BROX: variants seen among roughly 807,000 people sequenced by gnomAD.
BROX encodes the protein BRO1 domain and CAAX motif containing, also known as BRO1 domain-containing protein BROX.
Under a neutral mutation model 61.0 loss-of-function variants are expected in BROX, and 53 were observed. The observed-to-expected ratio is 0.87, with a 90% CI of 0.70 to 1.09. The LOEUF (loss-of-function observed/expected upper bound fraction) is 1.09. Among genes scored for constraint, BROX ranks in the 50% least tolerant of loss-of-function variants. The pLI is 0.00. For synonymous variants in BROX, 152 were observed against 160.2 expected (o/e 0.95, Z 0.38); for missense variants, 489 against 472.0 (o/e 1.04, Z -0.33).
chr1:222,733,179 A>G lies in BROX; in HGVS notation c.*465A>G, dbSNP rs562756493. 574 of 139,976 alleles carry G rather than the reference A, an allele frequency of 4.1e-3. 2 individuals carry two copies. The highest frequency in any genetic ancestry group is 7.2e-3 in the Non-Finnish European group (483 of 67,262). 8.7% of individuals were successfully genotyped at this position (139,976 alleles called of 1,614,324 possible). On this transcript the variant is annotated 3_prime_UTR_variant, in exon 13 of 13. Coordinates refer to ENST00000340934, the MANE Select transcript of BROX (RefSeq NM_144695.4). ...ACTGCAACCCTCCACCTCCTGAATT[A>G]AAGTGATTCTCCTGCCTCAGCCTCC...
chr1:222,714,576 T>TG (rs1463942875), intron 1 of BROX, among the ~76,000 whole-genome samples: 9 of 144,612 alleles, frequency 6.2e-5, no homozygotes, highest in African/African-American at 2.5e-4. Flanking sequence ...CAAGTTTTTG[T>TG]TTTTTGTTTT....
intron 2 of BROX, 23 bp from the exon 3 acceptor site, chr1:222,718,902 T>C (rs1321780856): frequency 1.3e-6 from 2 of 1,593,726 alleles, no homozygotes; most frequent in Admixed American, 1.7e-5. Context: ...CTAACTTTAC[T>C]GTCTTTTTGT....
At position 222,725,524 on chromosome 1, in the gene BROX, C is replaced by T. The variant is rs368189414; in HGVS notation, c.549C>T (p.Tyr183=). 2.0e-5 allele frequency: 32 copies of T among 1,612,000 alleles called. No individual in the cohort carries two copies. The highest frequency in any genetic ancestry group is 8.9e-5 in the East Asian group (4 of 44,820). The change falls in exon 7 of 13, where the codon TAC becomes TAT. Residue 183 remains tyrosine (Y), a synonymous_variant. Coordinates refer to ENST00000340934, the MANE Select transcript of BROX (RefSeq NM_144695.4). The stretch of plus-strand genomic sequence containing the variant: ...TAGAGTCACGACTCATAGAAGCATA[C>T]GTTATTCAATGTCAGGCTGAAGCTC... The part of the protein sequence containing the change: ...RDLESRLIEA[Y]VIQCQAEAQE...
At chr1:222,721,187 T>C (rs2125013584) in intron 4 of BROX, among the ~76,000 whole-genome samples, 1 of 152,312 alleles carries the variant, frequency 6.6e-6, no homozygotes, top group Non-Finnish European at 1.5e-5. Context: ...CCACTAGATC[T>C]CCAGATGTAA....
In BROX at chr1:222,725,520, C is replaced by T. The variant is rs937210087; in HGVS notation, c.545C>T (p.Ala182Val). 6.2e-7 allele frequency: 1 copy of T among 1,612,694 alleles called. No homozygotes were observed. Among genetic ancestry groups the T allele is most frequent in the Non-Finnish European group, 8.5e-7 (1 of 1,179,300 alleles). The change falls in exon 7 of 13, where the codon GCA (alanine) becomes GTA (valine). Residue 182 changes from alanine to valine, a missense_variant. Physicochemically the swap from Ala to Val is moderately conservative, Grantham distance 64. Transcript: ENST00000340934. ...GRDLESRLIE[A>V]YVIQCQAEAQ... ...GATTTAGAGTCACGACTCATAGAAG[C>T]ATACGTTATTCAATGTCAGGCTGAA... is the stretch of plus-strand genomic sequence containing the variant.
chr1:222,719,415 A>G (rs1571968179), intron 4 of BROX, 56 bp downstream of exon 4: 1 of 1,209,696 alleles, frequency 8.3e-7, no homozygotes, highest in Non-Finnish European at 1.2e-6. Context: ...CTATGTAGCC[A>G]GTGGTTAACT....
intron 2 of BROX, among the ~76,000 whole-genome samples, chr1:222,716,179 A>G (rs988667167): frequency 6.6e-6 from 1 of 151,940 alleles, no homozygotes; most frequent in African/African-American, 2.4e-5. Context: ...GCTTACTGCA[A>G]CCTCCGCCTC....
At chr1:222,713,305 T>C in intron 1 of BROX, 2 of 985,886 alleles carry the variant, frequency 2.0e-6, no homozygotes, top group African/African-American at 3.5e-5. Context: ...AACTCAAGTG[T>C]TGGCGCGTGC....
At chr1:222,722,573 C>G (rs1657180061) in intron 5 of BROX, 59 bp downstream of exon 5, 2 of 1,185,700 alleles carry the variant, frequency 1.7e-6, no homozygotes, top group Non-Finnish European at 2.4e-6. Context: ...TGTGGCGCTT[C>G]ATTATTTTAA....
chr1:222,734,771 C>T lies in BROX; in HGVS notation c.*2057C>T, dbSNP rs1184843154. On this transcript the variant is annotated 3_prime_UTR_variant, in exon 13 of 13. Coordinates refer to ENST00000340934, the MANE Select transcript of BROX (RefSeq NM_144695.4). ...CTGTGGGACCTGTTTCTTTTAGGTACTTGTGCTTATTAATCTACTTACTAA... is the reference window on the plus strand; with the variant it reads ...CTGTGGGACCTGTTTCTTTTAGGTATTTGTGCTTATTAATCTACTTACTAA... 1 of 152,120 alleles carries T rather than the reference C, an allele frequency of 6.6e-6. No homozygotes were observed. The highest frequency in any genetic ancestry group is 1.5e-5 in the Non-Finnish European group (1 of 68,028). The allele number at this position is 152,120 out of a possible 1,614,324, so 9.4% of individuals were successfully genotyped here.
Position 222,715,764 on chromosome 1 carries a change from G to A in BROX, c.65G>A (p.Gly22Asp), listed in dbSNP as rs770453035. 2.5e-6 allele frequency: 4 copies of A among 1,594,168 alleles called. No homozygotes were observed. Among genetic ancestry groups the A allele is most frequent in the Non-Finnish European group, 2.6e-6 (3 of 1,168,674 alleles). The change falls in exon 2 of 13, where the codon GGT (glycine) becomes GAT (aspartate). Residue 22 changes from glycine to aspartate, a missense_variant. Coordinates refer to ENST00000340934, the MANE Select transcript of BROX (RefSeq NM_144695.4). The stretch of plus-strand genomic sequence containing the variant: ...GCTCCTGTGTCTTTTAATTACTATG[G>A]TGTAGTCACTGGCCCTTCTGCTTCA... ...ATAPVSFNYY[G>D]VVTGPSASKI...
At chr1:222,719,054 A>G (rs746115476) in intron 3 of BROX, 23 bp downstream of exon 3, 19 of 1,573,710 alleles carry the variant, frequency 1.2e-5, no homozygotes, top group Non-Finnish European at 1.6e-5. Flanking sequence ...TATGAACTTG[A>G]GGTTTTTTAA....
At chr1:222,726,655 T>C (rs1657524005) in intron 7 of BROX, among the ~76,000 whole-genome samples, 1 of 151,738 alleles carries the variant, frequency 6.6e-6, no homozygotes, top group Non-Finnish European at 1.5e-5. Context: ...AGGCGGAGGT[T>C]GTGGTGAGCC....
In BROX at chr1:222,731,407, AT is replaced by A; in HGVS notation, c.1042del (p.Tyr348MetfsTer4). ...TEAPQLELKA[N>X]YGLVEPIPFE... Reference sequence around the variant, plus strand: ...GCCCCACAGCTGGAACTCAAAGCAAATTATGGTCTCGTAGAGCCTATACCTT... The same window carrying A: ...GCCCCACAGCTGGAACTCAAAGCAAATATGGTCTCGTAGAGCCTATACCTT... On this transcript the variant is annotated frameshift_variant, in exon 12 of 13. Transcript: ENST00000340934. LOFTEE classifies it high-confidence loss of function. 1 of 1,580,832 alleles carries A rather than the reference AT, an allele frequency of 6.3e-7. No individual in the cohort carries two copies.
At position 222,734,164 on chromosome 1, in the gene BROX, T is replaced by C. The variant is rs1354312730; in HGVS notation, c.*1450T>C. ...AGTCACACATCTGTAGGTTTATCTT[T>C]TGATTATTCTCCTGAGGCATTAGAT... On this transcript the variant is annotated 3_prime_UTR_variant, in exon 13 of 13. Coordinates refer to ENST00000340934, the MANE Select transcript of BROX (RefSeq NM_144695.4). The C allele has an allele frequency of 1.3e-5, 2 of 152,218 alleles. No individual in the cohort carries two copies. The highest frequency in any genetic ancestry group is 2.9e-5 in the Non-Finnish European group (2 of 68,020). The allele number at this position is 152,218 out of a possible 1,614,324, so 9.4% of individuals were successfully genotyped here.
chr1:222,714,653 G>A (rs1656429434), intron 1 of BROX, among the ~76,000 whole-genome samples: 2 of 151,556 alleles, frequency 1.3e-5, no homozygotes, highest in Admixed American at 6.6e-5. Context: ...GCCATGGGGA[G>A]ATCAGGGCTC....
In BROX at chr1:222,715,834, A is replaced by G. The variant is rs374196579; in HGVS notation, c.101+34A>G. On this transcript the variant is annotated intron_variant, in intron 2 of 12. Coordinates refer to ENST00000340934, the MANE Select transcript of BROX (RefSeq NM_144695.4). ...ATTGATTGAACCACTCTTAGATGCA[A>G]GGTACTTTTTTTGGTTCCATGGCAA... is the stretch of plus-strand genomic sequence containing the variant. 3.2e-4 allele frequency: 455 copies of G among 1,400,908 alleles called. 2 individuals are homozygous for G. Among genetic ancestry groups the G allele is most frequent in the Middle Eastern group, 1.5e-3 (8 of 5,468 alleles). 86.8% of individuals were successfully genotyped at this position (1,400,908 alleles called of 1,614,324 possible).
chr1:222,730,602 A>G (rs1657862579), intron 11 of BROX, among the ~76,000 whole-genome samples: 1 of 152,198 alleles, frequency 6.6e-6, no homozygotes, highest in African/African-American at 2.4e-5. Flanking sequence ...TCAAATATAT[A>G]TAGTATTTAT....
In BROX at chr1:222,724,145, G is replaced by T; in HGVS notation, c.455G>T (p.Gly152Val). Residue 152 changes from glycine (G) to valine (V), a missense_variant, in exon 6 of 13, where the codon GGG becomes GTG. Transcript: ENST00000340934. ...CATCGAAGCCTAAAGATTGCAGCTG[G>T]GATTTTTAAACATTTAAAGGTAAAA... ...EVHRSLKIAA[G>V]IFKHLKESHL... 6.2e-7 allele frequency: 1 copy of T among 1,610,632 alleles called. No homozygotes were observed. The highest frequency in any genetic ancestry group is 1.7e-5 in the Admixed American group (1 of 59,488).
Sources: gnomAD v4.1 joint callset for allele counts (sites outside exome capture counted in the v4.1 genomes callset) on GRCh38, gnomAD v4.1.1 for gene constraint, MANE v1.5 for transcripts, NCBI Gene and HGNC (gene_info 2026-07-23, HGNC 2026-07-21) for gene names.